Variants in BACH2 observed in about 807,000 individuals in gnomAD.
The protein encoded by BACH2 is transcription regulator protein BACH2.
Under a neutral mutation model 61.8 loss-of-function variants are expected in BACH2, and 5 were observed. That is an observed-to-expected ratio of 0.08 (90% confidence interval 0.04 to 0.17). The LOEUF is 0.17. BACH2 is among the 10% of genes least tolerant of loss of function. The pLI is 1.00. For missense variants in BACH2, 824 were observed against 1,091.1 expected (o/e 0.76, Z 3.45); for synonymous variants, 446 against 440.1 (o/e 1.01, Z -0.17).
rs578244715 is a variant in BACH2 at position 90,167,386 on chromosome 6, G to A, written c.-162+39183C>T. On this transcript the variant is annotated intron_variant, in intron 4 of 8. Transcript: ENST00000257749. The stretch of plus-strand genomic sequence containing the variant: ...TTCTTTTTTTTTGAGATGGAGTCTC[G>A]CTCTTGTTGCCCAGGCTGGAGTGCA... Among the ~76,000 whole-genome samples, 170 of 151,636 alleles carry A rather than the reference G, an allele frequency of 1.1e-3. 3 individuals are homozygous for A. Among genetic ancestry groups the A allele is most frequent in the African/African-American group, 3.9e-3 (162 of 41,354 alleles).
At chr6:89,955,583 T>C (rs1774383192) in intron 6 of BACH2, among the ~76,000 whole-genome samples, 1 of 152,158 alleles carries the variant, frequency 6.6e-6, no homozygotes, top group Non-Finnish European at 1.5e-5. Context: ...CTGGTCTACT[T>C]TCGGCAGTGG....
At chr6:90,112,614 AGAAAG>A (rs937470602) in intron 4 of BACH2, among the ~76,000 whole-genome samples, 22 of 152,204 alleles carry the variant, frequency 1.4e-4, no homozygotes, top group Non-Finnish European at 2.9e-5. Flanking sequence ...CACAAAATAT[AGAAAG>A]GAAAGACTGC....
rs564310580 is a variant in BACH2 at position 90,236,739 on chromosome 6, C to A, written c.-275+15774G>T. On this transcript the variant is annotated intron_variant, in intron 3 of 8. Transcript: ENST00000257749. ...GTCTCTGGGATTTCAGGATATGAAA[C>A]CACCTGATTCCATGAAGCTATCTTA... is the stretch of plus-strand genomic sequence containing the variant. 3.3e-5 allele frequency among the ~76,000 whole-genome samples: 5 copies of A among 152,212 alleles called. No individual in the cohort carries two copies. In the South Asian group the frequency reaches 1.0e-3, roughly 32 times the overall value.
chr6:90,148,852 A>G lies in BACH2; in HGVS notation c.-162+57717T>C, dbSNP rs557300169. 3.9e-5 allele frequency among the ~76,000 whole-genome samples: 6 copies of G among 152,310 alleles called. No individual in the cohort carries two copies. In the East Asian group the frequency reaches 1.2e-3, roughly 29 times the overall value. On this transcript the variant is annotated intron_variant, in intron 4 of 8. Coordinates refer to ENST00000257749, the MANE Select transcript of BACH2 (RefSeq NM_021813.4). ...TTTGATAAAGAGAAAAATCAGTAATAGGTTTTGAAAAAGGAACACAATCAG... is the reference window on the plus strand; with the variant it reads ...TTTGATAAAGAGAAAAATCAGTAATGGGTTTTGAAAAAGGAACACAATCAG...
At chr6:90,290,054 C>G (rs1334376699) in intron 1 of BACH2, among the ~76,000 whole-genome samples, 1 of 152,208 alleles carries the variant, frequency 6.6e-6, no homozygotes, top group Non-Finnish European at 1.5e-5. Flanking sequence ...CAATTCTGGA[C>G]TCTGTATACA....
At chr6:90,114,434 G>T (rs1358207912) in intron 4 of BACH2, among the ~76,000 whole-genome samples, 2 of 152,136 alleles carry the variant, frequency 1.3e-5, no homozygotes, top group Non-Finnish European at 2.9e-5. Flanking sequence ...TATCTCAGTA[G>T]ATGCAGAACA....
At chr6:90,133,611 T>C (rs968293075) in intron 4 of BACH2, among the ~76,000 whole-genome samples, 7 of 152,224 alleles carry the variant, frequency 4.6e-5, no homozygotes, top group African/African-American at 1.7e-4. Flanking sequence ...TACATATGTA[T>C]ACATGTGCCA....
intron 3 of BACH2, among the ~76,000 whole-genome samples, chr6:90,244,862 G>A (rs772205604): frequency 6.6e-6 from 1 of 152,136 alleles, no homozygotes; most frequent in Non-Finnish European, 1.5e-5. Context: ...AACAAGAACC[G>A]TGAAGGATTA....
chr6:90,037,831 C>T (rs573817067), intron 5 of BACH2, among the ~76,000 whole-genome samples: 1 of 152,272 alleles, frequency 6.6e-6, no homozygotes, highest in Admixed American at 6.5e-5. Context: ...CATCCAATAT[C>T]ATGGGTGTCC....
chr6:90,004,050 GCTTC>G (rs1412033276), intron 6 of BACH2, among the ~76,000 whole-genome samples: 2 of 152,124 alleles, frequency 1.3e-5, no homozygotes, highest in African/African-American at 4.8e-5. Context: ...CTGTCTTATT[GCTTC>G]CTTAAGACTG....
chr6:90,056,871 T>C (rs1582280184), intron 5 of BACH2, among the ~76,000 whole-genome samples: 2 of 152,282 alleles, frequency 1.3e-5, no homozygotes, highest in South Asian at 2.1e-4. Flanking sequence ...CCTGAATGAC[T>C]ACTGGGTAAA....
chr6:90,058,733 G>A (rs1012418684), intron 5 of BACH2, among the ~76,000 whole-genome samples: 4 of 152,124 alleles, frequency 2.6e-5, no homozygotes. Flanking sequence ...ATACTACAAG[G>A]CTACAGTAAC....
chr6:90,050,809 G>A (rs573353986), intron 5 of BACH2, among the ~76,000 whole-genome samples: 4 of 149,836 alleles, frequency 2.7e-5, no homozygotes, highest in African/African-American at 7.4e-5. Context: ...TTGCTCTGTC[G>A]CCCAGCCTGG....
intron 6 of BACH2, among the ~76,000 whole-genome samples, chr6:89,988,336 G>A (rs1397101905): frequency 6.6e-6 from 1 of 152,160 alleles, no homozygotes; most frequent in African/African-American, 2.4e-5. Context: ...CCTATCAGGT[G>A]AGCAAGGGTA....
chr6:90,148,293 T>G (rs1449344280), intron 4 of BACH2, among the ~76,000 whole-genome samples: 1 of 152,218 alleles, frequency 6.6e-6, no homozygotes, highest in African/African-American at 2.4e-5. Flanking sequence ...AGAAACCAGG[T>G]GGTCAAAGCC....
chr6:90,008,908 C>A lies in BACH2; in HGVS notation c.-12-52G>T. ...GAAAGAAAGAAAGGCTGAGTCACCA[C>A]AGCTGTAGGATCAGAGAGAGGAGGT... On this transcript the variant is annotated intron_variant, in intron 5 of 8. Coordinates refer to ENST00000257749, the MANE Select transcript of BACH2 (RefSeq NM_021813.4). This position sits in a 1 kb window ranked among gnomAD's most constrained non-coding sequence, Gnocchi z 4.1. 2 of 1,589,598 alleles carry A rather than the reference C, an allele frequency of 1.3e-6. No homozygotes were observed. The highest frequency in any genetic ancestry group is 8.6e-7 in the Non-Finnish European group (1 of 1,166,840).
At chr6:89,982,280 T>G (rs549787433) in intron 6 of BACH2, among the ~76,000 whole-genome samples, 6 of 151,270 alleles carry the variant, frequency 4.0e-5, no homozygotes, top group African/African-American at 1.5e-4. Flanking sequence ...GAGAAGAGAG[T>G]GAAGAGGCTA....
chr6:89,950,179 G>A lies in BACH2; in HGVS notation c.1836+91C>T. 1 of 1,431,514 alleles carries A rather than the reference G, an allele frequency of 7.0e-7. No homozygotes were observed. Among genetic ancestry groups the A allele is most frequent in the South Asian group, 1.2e-5 (1 of 86,516 alleles). 88.7% of individuals were successfully genotyped at this position (1,431,514 alleles called of 1,614,324 possible). On this transcript the variant is annotated intron_variant, in intron 7 of 8. Transcript: ENST00000257749. This position sits in a 1 kb window ranked among gnomAD's most constrained non-coding sequence, Gnocchi z 5.3. ...TGTCATCTTTAATCTTAGCACGTAA[G>A]AACAATGTGGGAGTGGTGGGGGGCA... is the stretch of plus-strand genomic sequence containing the variant.
chr6:90,271,521 C>T lies in BACH2; in HGVS notation c.-353+328G>A, dbSNP rs1225627727. 2.6e-5 allele frequency among the ~76,000 whole-genome samples: 4 copies of T among 152,058 alleles called. No individual in the cohort carries two copies. The East Asian group carries it at 7.7e-4, about 29-fold the overall frequency. ...ATGCTACAATTTATGTGGTTTTTCT[C>T]ATGTTTATATTAAAAGCTAATAAAC... On this transcript the variant is annotated intron_variant, in intron 2 of 8. Transcript: ENST00000257749.
Sources: gnomAD v4.1 joint callset for allele counts (sites outside exome capture counted in the v4.1 genomes callset) on GRCh38, gnomAD v4.1.1 for gene constraint, Gnocchi (gnomAD v3.1) non-coding constraint, MANE v1.5 for transcripts, NCBI Gene and HGNC (gene_info 2026-07-23, HGNC 2026-07-21) for gene names.